Variants in SCNN1G observed in about 807,000 individuals in gnomAD.
The protein encoded by SCNN1G is epithelial sodium channel subunit gamma.
A neutral mutation model predicts 64.6 loss-of-function variants in SCNN1G; 27 were observed. The ratio of observed to expected loss-of-function variants is 0.42; its 90% confidence interval spans 0.31 to 0.58. SCNN1G has a LOEUF of 0.58. Among genes scored for constraint, SCNN1G ranks in the 20% least tolerant of loss-of-function variants. The pLI is 0.18. For synonymous variants in SCNN1G, 330 were observed against 314.2 expected (o/e 1.05, Z -0.53); for missense variants, 743 against 823.4 (o/e 0.90, Z 1.19).
chr16:23,202,436 C>A (rs917264541), intron 6 of SCNN1G, among the ~76,000 whole-genome samples: 2 of 151,962 alleles, frequency 1.3e-5, no homozygotes, highest in African/African-American at 4.8e-5. Context: ...CTGGAGAAGG[C>A]TTTCTAAATA....
chr16:23,196,484 G>A lies in SCNN1G; in HGVS notation c.914-780G>A, dbSNP rs566624236. On this transcript the variant is annotated intron_variant, in intron 5 of 12. Transcript: ENST00000300061. ...CCACTGAAGAGTTTCAGGTTTCAGG[G>A]AGTGACCTGGCCTGAGGTCCAATTT... 3.9e-5 allele frequency: 6 copies of A among 152,442 alleles called. No individual in the cohort carries two copies. In the East Asian group the frequency reaches 7.7e-4, roughly 20 times the overall value. 9.4% of individuals were successfully genotyped at this position (152,442 alleles called of 1,614,324 possible). A position where few individuals can be genotyped will look rare whatever the true frequency, so the allele number is the denominator to read the frequency against.
At position 23,203,022 on chromosome 16, in the gene SCNN1G, C is replaced by A. The variant is rs4967990; in HGVS notation, c.1077+5595C>A. ...CCATCACCCAAGACCTGAGACAGAA[C>A]CCTAAACATGCAAATGTTTAAGGGC... On this transcript the variant is annotated intron_variant, in intron 6 of 12. Transcript: ENST00000300061. Among the ~76,000 whole-genome samples, 1,149 of 152,142 alleles carry A rather than the reference C, an allele frequency of 7.6e-3. 10 individuals carry two copies. Among genetic ancestry groups the A allele is most frequent in the South Asian group, 0.013 (61 of 4,814 alleles).
At position 23,212,768 on chromosome 16, in the gene SCNN1G, C is replaced by T; in HGVS notation, c.1373+12C>T. 6.2e-7 allele frequency: 1 copy of T among 1,613,958 alleles called. No individual in the cohort carries two copies. Among genetic ancestry groups the T allele is most frequent in the Non-Finnish European group, 8.5e-7 (1 of 1,179,842 alleles). On this transcript the variant is annotated intron_variant, in intron 9 of 12. Transcript: ENST00000300061. ...AAGGAAGCCTGCAGGTATGTGGACC[C>T]CAAGGGGTGAGACGGGTGGCTGGGT...
chr16:23,184,957 G>A (rs1010352050), intron 1 of SCNN1G, among the ~76,000 whole-genome samples: 2 of 152,128 alleles, frequency 1.3e-5, no homozygotes, highest in African/African-American at 4.8e-5. Flanking sequence ...CACAAGTCTT[G>A]GGAAGTGGTC....
chr16:23,184,062 A>G (rs1335439333), intron 1 of SCNN1G, among the ~76,000 whole-genome samples: 1 of 152,234 alleles, frequency 6.6e-6, no homozygotes, highest in Admixed American at 6.5e-5. Flanking sequence ...TTCTTCCACC[A>G]AGGGTATCAC....
chr16:23,183,170 C>G (rs1156361499), intron 1 of SCNN1G, among the ~76,000 whole-genome samples: 2 of 152,252 alleles, frequency 1.3e-5, no homozygotes, highest in Non-Finnish European at 2.9e-5. Flanking sequence ...CTTCTACCCT[C>G]TGGAATGCTT....
At position 23,186,416 on chromosome 16, in the gene SCNN1G, G is replaced by A. The variant is rs5733; in HGVS notation, c.145G>A (p.Gly49Ser). The A allele has an allele frequency of 2.5e-6, 4 of 1,614,180 alleles. No individual in the cohort carries two copies. The highest frequency in any genetic ancestry group is 3.4e-6 in the Non-Finnish European group (4 of 1,180,038). ...CTGTCGCCGCATCGTGGTGTCCCGCGGCCGTCTGCGCCGCCTCCTCTGGAT... is the reference window on the plus strand; with the variant it reads ...CTGTCGCCGCATCGTGGTGTCCCGCAGCCGTCTGCGCCGCCTCCTCTGGAT... Reference protein sequence around the residue: ...HGCRRIVVSRGRLRRLLWIGF... With the variant: ...HGCRRIVVSRSRLRRLLWIGF... Residue 49 changes from glycine (G) to serine (S), a missense_variant, in exon 2 of 13, where the codon GGC becomes AGC. By Grantham distance (56) the Gly-to-Ser change is moderately conservative. Transcript: ENST00000300061.
At chr16:23,192,259 T>C (rs1959720542) in intron 3 of SCNN1G, 93 bp from the exon 4 acceptor site, 1 of 1,024,712 alleles carries the variant, frequency 9.8e-7, no homozygotes. Flanking sequence ...CCTGAGTATC[T>C]GGCCTGGAGT....
chr16:23,197,042 G>A (rs549087523), intron 5 of SCNN1G, among the ~76,000 whole-genome samples: 1 of 152,360 alleles, frequency 6.6e-6, no homozygotes, highest in East Asian at 1.9e-4. Context: ...GTAATACTGT[G>A]TTTGAACCCC....
chr16:23,209,169 C>T (rs1960039667), intron 6 of SCNN1G, among the ~76,000 whole-genome samples: 1 of 152,088 alleles, frequency 6.6e-6, no homozygotes, highest in African/African-American at 2.4e-5. Flanking sequence ...ACTCTGTTGC[C>T]CAGGCTGGAG....
intron 6 of SCNN1G, among the ~76,000 whole-genome samples, chr16:23,200,999 G>C (rs1959879703): frequency 6.6e-6 from 1 of 152,206 alleles, no homozygotes; most frequent in African/African-American, 2.4e-5. Flanking sequence ...TCCAGCATGG[G>C]AGGGAAGTAA....
At chr16:23,190,889 G>A (rs1042506403) in intron 3 of SCNN1G, among the ~76,000 whole-genome samples, 6 of 115,078 alleles carry the variant, frequency 5.2e-5, no homozygotes, top group Admixed American at 2.7e-4. Flanking sequence ...TGTCACCCAC[G>A]CTGGAGTGCA....
chr16:23,184,930 C>A (rs184251446), intron 1 of SCNN1G, among the ~76,000 whole-genome samples: 15 of 152,280 alleles, frequency 9.9e-5, no homozygotes, highest in East Asian at 9.7e-4. Context: ...ATATCCCCCA[C>A]CCCCAATACT....
In SCNN1G at chr16:23,192,227, C is replaced by T. The variant is rs1028542894; in HGVS notation, c.619-125C>T. ...AGAAGTGAGAGGAAACCCATCCTTG[C>T]CCCAGATATCCAACCTGTTCCCCTG... On this transcript the variant is annotated intron_variant, in intron 3 of 12. Coordinates refer to ENST00000300061, the MANE Select transcript of SCNN1G (RefSeq NM_001039.4). 9 of 815,646 alleles carry T rather than the reference C, an allele frequency of 1.1e-5. No individual in the cohort carries two copies. In the Admixed American group the frequency reaches 1.1e-4, roughly 10 times the overall value. The allele number at this position is 815,646 out of a possible 1,614,324, so 50.5% of individuals were successfully genotyped here.
intron 3 of SCNN1G, among the ~76,000 whole-genome samples, chr16:23,190,189 T>G (rs964647137): frequency 6.6e-6 from 1 of 152,044 alleles, no homozygotes; most frequent in African/African-American, 2.4e-5. Flanking sequence ...CCATGGTACA[T>G]GTATACCTTT....
intron 6 of SCNN1G, among the ~76,000 whole-genome samples, chr16:23,206,395 C>T (rs1959990647): frequency 6.6e-6 from 1 of 152,230 alleles, no homozygotes; most frequent in African/African-American, 2.4e-5. Context: ...CTCTTGTCAC[C>T]TCCCTTCCCC....
At position 23,205,703 on chromosome 16, in the gene SCNN1G, GAA is replaced by G. The variant is rs150778285; in HGVS notation, c.1078-4033_1078-4032del. On this transcript the variant is annotated intron_variant, in intron 6 of 12. Transcript: ENST00000300061. ...CAACAGAGTGAGGCTCCATCTCCAA[GAA>G]AAAAAAAAAAAAAGTCCCTCCCAGG... 1.3e-3 allele frequency among the ~76,000 whole-genome samples: 174 copies of G among 137,142 alleles called. 1 individual carries two copies. Among genetic ancestry groups the G allele is most frequent in the South Asian group, 3.9e-3 (17 of 4,360 alleles). The allele number at this position is 137,142 out of a possible 152,430, so 90.0% of individuals were successfully genotyped here.
chr16:23,214,679 A>C, intron 11 of SCNN1G, 33 bp from the exon 12 acceptor site: 1 of 1,562,562 alleles, frequency 6.4e-7, no homozygotes, highest in East Asian at 2.2e-5. Flanking sequence ...GTAGGATGCC[A>C]AGGCTCTTGA....
intron 6 of SCNN1G, among the ~76,000 whole-genome samples, chr16:23,207,369 C>G (rs1034466213): frequency 6.6e-6 from 1 of 152,222 alleles, no homozygotes; most frequent in Non-Finnish European, 1.5e-5. Flanking sequence ...ACCAAAGGAA[C>G]GCTTCTGCCC....
Sources: gnomAD v4.1 joint callset for allele counts (sites outside exome capture counted in the v4.1 genomes callset) on GRCh38, gnomAD v4.1.1 for gene constraint, MANE v1.5 for transcripts, NCBI Gene and HGNC (gene_info 2026-07-23, HGNC 2026-07-21) for gene names.